The following PMEPA1 variants were observed in gnomAD, a reference collection of about 807,000 sequenced individuals.
PMEPA1 encodes protein TMEPAI.
A neutral mutation model predicts 23.0 loss-of-function variants in PMEPA1; 11 were observed. The ratio of observed to expected loss-of-function variants is 0.48; its 90% CI spans 0.30 to 0.79. PMEPA1 has a LOEUF of 0.79. Ranked by LOEUF, PMEPA1 falls within the 30% of genes least tolerant of loss-of-function variation. The pLI is 0.06. For missense variants in PMEPA1, 377 were observed against 390.9 expected, an observed-to-expected ratio of 0.96 and a Z score of 0.30; for synonymous variants, 204 against 166.4, an observed-to-expected ratio of 1.23 and a Z score of -1.74.
chr20:57,672,508 G>T (rs1568972029), intron 1 of PMEPA1, among the ~76,000 whole-genome samples: 1 of 152,236 alleles, frequency 6.6e-6, no homozygotes, highest in Non-Finnish European at 1.5e-5. Flanking sequence ...CAATCCCCGG[G>T]GCCTCATTGA....
At chr20:57,697,529 A>T (rs779523319) in intron 1 of PMEPA1, among the ~76,000 whole-genome samples, 3 of 152,248 alleles carry the variant, frequency 2.0e-5, no homozygotes, top group Non-Finnish European at 4.4e-5. Flanking sequence ...TCTCACAGCC[A>T]TCCAACCAGC....
chr20:57,674,114 A>G (rs1175378771), intron 1 of PMEPA1, among the ~76,000 whole-genome samples: 1 of 152,142 alleles, frequency 6.6e-6, no homozygotes, highest in Non-Finnish European at 1.5e-5. Flanking sequence ...CCCCTCCAAC[A>G]TATGTTGAAG....
rs1446589756 is a variant in PMEPA1, at chr20:57,655,945, A to C, written c.265-2859T>G. Among the ~76,000 whole-genome samples the C allele has an allele frequency of 2.0e-5, 3 of 151,868 alleles. No homozygotes were observed. Among genetic ancestry groups the C allele is most frequent in the Non-Finnish European group, 2.9e-5 (2 of 67,958 alleles). On this transcript the variant is annotated intron_variant, in intron 2 of 3. Transcript: ENST00000341744. The surrounding 1 kb of genome is among the most constrained non-coding windows in gnomAD (Gnocchi z 4.2). ...ACGCACTCGAAAACACTTCATTCAC[A>C]CTCAGAAAAGACCTCATTGACAAAA...
At chr20:57,664,132 G>A (rs1003693380) in intron 1 of PMEPA1, among the ~76,000 whole-genome samples, 1 of 152,172 alleles carries the variant, frequency 6.6e-6, no homozygotes, top group South Asian at 2.1e-4. Context: ...CCAAGGGCAC[G>A]CGCACCGACC....
At chr20:57,659,838 G>A (rs1244779737) in intron 1 of PMEPA1, 141 bp from the exon 2 acceptor site, 8 of 762,592 alleles carry the variant, frequency 1.0e-5, no homozygotes, top group Non-Finnish European at 1.1e-5. Flanking sequence ...CCACTCTCCC[G>A]GCAAGGTCAC....
Position 57,655,173 on chromosome 20 carries a change from G to A in PMEPA1, c.265-2087C>T, listed in dbSNP as rs558051591. On this transcript the variant is annotated intron_variant, in intron 2 of 3. Coordinates refer to ENST00000341744, the MANE Select transcript of PMEPA1 (RefSeq NM_020182.5). This position sits in a 1 kb window ranked among gnomAD's most constrained non-coding sequence, Gnocchi z 4.2. Reference sequence around the variant, plus strand: ...GTGCCCAGTGAACACAGACTCTCACGTCTTGCCTTTGGATCTGAGCCCATC... The same window carrying A: ...GTGCCCAGTGAACACAGACTCTCACATCTTGCCTTTGGATCTGAGCCCATC... Among the ~76,000 whole-genome samples, 21 of 152,266 alleles carry A rather than the reference G, an allele frequency of 1.4e-4. No individual in the cohort carries two copies. Among genetic ancestry groups the A allele is most frequent in the South Asian group, 1.2e-3 (6 of 4,826 alleles).
intron 1 of PMEPA1, among the ~76,000 whole-genome samples, chr20:57,684,298 G>T (rs2071769371): frequency 6.6e-6 from 1 of 152,190 alleles, no homozygotes; most frequent in African/African-American, 2.4e-5. Context: ...GGTCTAGCTG[G>T]GAGGGGGGCA....
rs1448971236 is a variant in PMEPA1 at position 57,655,554 on chromosome 20, G to A, written c.265-2468C>T. Among the ~76,000 whole-genome samples the A allele has an allele frequency of 6.6e-6, 1 of 152,236 alleles. No homozygotes were observed. The highest frequency in any genetic ancestry group is 1.9e-4 in the East Asian group (1 of 5,202). The stretch of plus-strand genomic sequence containing the variant: ...ATTAGGTTCCAAAGTGGCTTGAGAA[G>A]TCGGGGGAGGTGGGCCCAGCTTCAG... On this transcript the variant is annotated intron_variant, in intron 2 of 3. Coordinates refer to ENST00000341744, the MANE Select transcript of PMEPA1 (RefSeq NM_020182.5). The surrounding 1 kb of genome is among the most constrained non-coding windows in gnomAD (Gnocchi z 4.2).
chr20:57,684,361 C>T (rs2071771040), intron 1 of PMEPA1, among the ~76,000 whole-genome samples: 1 of 152,120 alleles, frequency 6.6e-6, no homozygotes, highest in Middle Eastern at 3.2e-3. Flanking sequence ...ACTCGGAAGC[C>T]TGCTTCCCTC....
intron 1 of PMEPA1, among the ~76,000 whole-genome samples, chr20:57,668,367 C>T (rs1049857318): frequency 1.3e-5 from 2 of 152,198 alleles, no homozygotes; most frequent in African/African-American, 4.8e-5. Flanking sequence ...CTCCTGGTAC[C>T]CTCATCTGAG....
rs549429608 is a variant in PMEPA1 at position 57,655,674 on chromosome 20, G to A, written c.265-2588C>T. On this transcript the variant is annotated intron_variant, in intron 2 of 3. Transcript: ENST00000341744. This position sits in a 1 kb window ranked among gnomAD's most constrained non-coding sequence, Gnocchi z 4.2. Reference sequence around the variant, plus strand: ...TTCCAATCCTACAGCCACTGCTGACGAGCCCCCTGCTCCCAGCAGCCTCCA... The same window carrying A: ...TTCCAATCCTACAGCCACTGCTGACAAGCCCCCTGCTCCCAGCAGCCTCCA... Among the ~76,000 whole-genome samples, 4 of 152,238 alleles carry A rather than the reference G, an allele frequency of 2.6e-5. No homozygotes were observed. The highest frequency in any genetic ancestry group is 2.1e-4 in the South Asian group (1 of 4,820).
chr20:57,709,674 A>G lies in PMEPA1; in HGVS notation c.-92T>C, dbSNP rs1228902562. 2 of 973,594 alleles carry G rather than the reference A, an allele frequency of 2.1e-6. No individual in the cohort carries two copies. The highest frequency in any genetic ancestry group is 2.4e-6 in the Non-Finnish European group (2 of 824,030). 60.3% of individuals were successfully genotyped at this position (973,594 alleles called of 1,614,324 possible). On this transcript the variant is annotated 5_prime_UTR_variant, in exon 1 of 4. Transcript: ENST00000341744. Reference sequence around the variant, plus strand: ...CGCCCGGAGCTGGGGCCCCGCATGCAGGAGGCGCGCGGCGGGGGAGGCGCG... The same window carrying G: ...CGCCCGGAGCTGGGGCCCCGCATGCGGGAGGCGCGCGGCGGGGGAGGCGCG...
chr20:57,699,056 A>G (rs2071977847), intron 1 of PMEPA1, among the ~76,000 whole-genome samples: 1 of 152,176 alleles, frequency 6.6e-6, no homozygotes, highest in Non-Finnish European at 1.5e-5. Flanking sequence ...CTGTGGCCCC[A>G]TGCAAATTCT....
chr20:57,709,927 C>T lies in PMEPA1; in HGVS notation c.-345G>A, dbSNP rs2072148610. 4 of 1,011,170 alleles carry T rather than the reference C, an allele frequency of 4.0e-6. No individual in the cohort carries two copies. The highest frequency in any genetic ancestry group is 1.7e-5 in the African/African-American group (1 of 57,592). The allele number at this position is 1,011,170 out of a possible 1,614,324, so 62.6% of individuals were successfully genotyped here. A position where few individuals can be genotyped will look rare whatever the true frequency, so the allele number is the denominator to read the frequency against. ...CCCAGCCGAGCGCCTCCGCCGCCGC[C>T]GCCGCCGCCGCCTCCTCCTCCTCAT... On this transcript the variant is annotated 5_prime_UTR_variant, in exon 1 of 4. Coordinates refer to ENST00000341744, the MANE Select transcript of PMEPA1 (RefSeq NM_020182.5).
At position 57,653,051 on chromosome 20, in the gene PMEPA1, T is replaced by C; in HGVS notation, c.300A>G (p.Ser100=). The C allele has an allele frequency of 6.3e-7, 1 of 1,596,162 alleles. No individual in the cohort carries two copies. The highest frequency in any genetic ancestry group is 2.3e-5 in the East Asian group (1 of 44,192). ...GTCTCACCTCTGGGATTCCGTTGCC[T>C]GACACTGTGCTCTCCGAGGGCCACA... The part of the protein sequence containing the change: ...GCLWPSESTV[S]GNGIPEPQVY... Residue 100 remains serine, a synonymous_variant, in exon 3 of 4, where the codon TCA becomes TCG. Transcript: ENST00000341744.
At position 57,655,454 on chromosome 20, in the gene PMEPA1, T is replaced by C. The variant is rs1332199068; in HGVS notation, c.265-2368A>G. On this transcript the variant is annotated intron_variant, in intron 2 of 3. Transcript: ENST00000341744. The surrounding 1 kb of genome is among the most constrained non-coding windows in gnomAD (Gnocchi z 4.2). Reference sequence around the variant, plus strand: ...CCCAGTGCCAGGCGCCGGCGTGCTATGCAGTCAGGGAGTGCTCAGGTTGCT... The same window carrying C: ...CCCAGTGCCAGGCGCCGGCGTGCTACGCAGTCAGGGAGTGCTCAGGTTGCT... 2.0e-5 allele frequency among the ~76,000 whole-genome samples: 3 copies of C among 152,248 alleles called. No individual in the cohort carries two copies. The highest frequency in any genetic ancestry group is 6.5e-5 in the Admixed American group (1 of 15,288).
chr20:57,694,458 T>C (rs1443925598), intron 1 of PMEPA1, among the ~76,000 whole-genome samples: 1 of 152,226 alleles, frequency 6.6e-6, no homozygotes, highest in Non-Finnish European at 1.5e-5. Context: ...TACGGAACTA[T>C]TAAATTTTAA....
At chr20:57,680,435 C>A (rs188562721) in intron 1 of PMEPA1, among the ~76,000 whole-genome samples, 25 of 152,196 alleles carry the variant, frequency 1.6e-4, no homozygotes, top group Non-Finnish European at 2.9e-4. Context: ...ATCCAGTGGG[C>A]GAGGGGAAGT....
intron 1 of PMEPA1, among the ~76,000 whole-genome samples, chr20:57,708,157 C>A (rs768868232): frequency 2.0e-5 from 3 of 152,214 alleles, no homozygotes; most frequent in Non-Finnish European, 4.4e-5. Context: ...CAGCCGCCTG[C>A]GGACACTTGC....
Sources: allele counts gnomAD v4.1 joint callset (sites outside exome capture counted in the v4.1 genomes callset), GRCh38; gene constraint gnomAD v4.1.1; non-coding constraint Gnocchi (gnomAD v3.1); transcripts MANE v1.5; gene names NCBI Gene and HGNC (gene_info 2026-07-23, HGNC 2026-07-21).